Variants in TMEM233 observed in about 807,000 individuals in gnomAD.
The protein encoded by TMEM233 is dispanin subfamily B member 2.
A neutral mutation model predicts 11.2 loss-of-function variants in TMEM233; 6 were observed. The observed-to-expected ratio is 0.54, with a 90% CI of 0.29 to 1.06. The LOEUF is 1.06. Among genes scored for constraint, TMEM233 ranks in the 50% least tolerant of loss-of-function variants. The pLI, the probability that TMEM233 is intolerant of heterozygous loss-of-function variation, is 0.08. For synonymous variants in TMEM233, 59 were observed against 55.8 expected (o/e 1.06, Z -0.26); for missense variants, 127 against 144.7 (o/e 0.88, Z 0.63).
intron 1 of TMEM233, among the ~76,000 whole-genome samples, chr12:119,626,503 G>A (rs1954762181): frequency 9.8e-6 from 1 of 102,202 alleles, no homozygotes; most frequent in Non-Finnish European, 2.1e-5. Flanking sequence ...AAAGGAGGAG[G>A]AGGAGGAGGA....
intron 1 of TMEM233, among the ~76,000 whole-genome samples, chr12:119,625,360 A>ACTC (rs1954728729): frequency 3.2e-5 from 2 of 61,850 alleles, no homozygotes; most frequent in Non-Finnish European, 8.2e-5. Context: ...TCTGTACATA[A>ACTC]CTTCTTCTTT....
chr12:119,609,024 A>C (rs1473729686), intron 1 of TMEM233, among the ~76,000 whole-genome samples: 1 of 152,220 alleles, frequency 6.6e-6, no homozygotes, highest in Admixed American at 6.5e-5. Flanking sequence ...TAACAGGCAG[A>C]GGTTGGAACA....
At chr12:119,624,747 GAGAT>G (rs71072544) in intron 1 of TMEM233, among the ~76,000 whole-genome samples, 4,595 of 152,246 alleles carry the variant, frequency 0.03, 95 homozygotes, top group Non-Finnish European at 0.046. Context: ...GAAAATTCCA[GAGAT>G]AGATGGTGGG....
chr12:119,594,396 C>T lies in TMEM233; in HGVS notation c.186+362C>T. On this transcript the variant is annotated intron_variant, in intron 1 of 2. Transcript: ENST00000426426. The surrounding 1 kb of genome is among the most constrained non-coding windows in gnomAD (Gnocchi z 5.6). The stretch of plus-strand genomic sequence containing the variant: ...CACTTGCCCGGGGCTTCTCAACCCT[C>T]TTTTCTAGAGCCCCAGTGCGCGCCA... The T allele has an allele frequency of 4.5e-6, 1 of 219,960 alleles. No individual in the cohort carries two copies. The highest frequency in any genetic ancestry group is 2.3e-5 in the African/African-American group (1 of 43,638). The allele number at this position is 219,960 out of a possible 1,614,324, so 13.6% of individuals were successfully genotyped here.
At chr12:119,640,668 T>TTCTCTC (rs771463843) in intron 2 of TMEM233, 31 bp from the exon 3 acceptor site, 3 of 1,501,076 alleles carry the variant, frequency 2.0e-6, no homozygotes, top group Non-Finnish European at 2.7e-6. Flanking sequence ...CCCACGGTCT[T>TTCTCTC]TCTCTCTCTC....
the TMEM233 span, among the ~76,000 whole-genome samples, chr12:119,652,362 T>C: frequency 6.6e-6 from 1 of 152,240 alleles, no homozygotes. Context: ...TAACTTATAT[T>C]GGGCAAATTC....
At position 119,642,779 on chromosome 12, in the gene TMEM233, T is replaced by C. The variant is rs1955102991; in HGVS notation, c.*2074T>C. ...ATACCAATACAAATTTCAGCATTTT[T>C]TCATATACTGAACCCTAGCAAAAAA... On this transcript the variant is annotated 3_prime_UTR_variant, in exon 3 of 3. Transcript: ENST00000426426. 1 of 139,864 alleles carries C rather than the reference T, an allele frequency of 7.1e-6. No homozygotes were observed. The highest frequency in any genetic ancestry group is 2.4e-4 in the South Asian group (1 of 4,228). 8.7% of individuals were successfully genotyped at this position (139,864 alleles called of 1,614,324 possible).
chr12:119,626,585 A>C (rs1020731624), intron 1 of TMEM233, among the ~76,000 whole-genome samples: 1 of 149,270 alleles, frequency 6.7e-6, no homozygotes, highest in East Asian at 1.9e-4. Flanking sequence ...AGAAGAGAAG[A>C]GAAGAGAAGA....
intron 1 of TMEM233, among the ~76,000 whole-genome samples, chr12:119,598,826 G>A (rs1420742608): frequency 6.6e-6 from 1 of 152,180 alleles, no homozygotes; most frequent in Non-Finnish European, 1.5e-5. Flanking sequence ...GGTTGTGATA[G>A]TATTTACCCA....
chr12:119,629,697 G>C, intron 1 of TMEM233, 39 bp from the exon 2 acceptor site: 1 of 1,530,574 alleles, frequency 6.5e-7, no homozygotes, highest in Admixed American at 2.1e-5. Flanking sequence ...TTCCCTGTGG[G>C]TTATCTGTCA....
rs1166014373 is a variant in TMEM233, at chr12:119,594,041, G to T, written c.186+7G>T. ...TTTGGTCTTTTCCATCATGGTGAGT[G>T]AATCACGGCCAGAGGCAGCCTGGGA... On this transcript the variant is annotated splice_region_variant and intron_variant, in intron 1 of 2. Coordinates refer to ENST00000426426, the MANE Select transcript of TMEM233 (RefSeq NM_001136534.3). The surrounding 1 kb of genome is among the most constrained non-coding windows in gnomAD (Gnocchi z 5.6). 1.9e-6 allele frequency: 3 copies of T among 1,551,330 alleles called. No homozygotes were observed. The highest frequency in any genetic ancestry group is 2.6e-6 in the Non-Finnish European group (3 of 1,146,768).
chr12:119,653,418 C>T, the TMEM233 span, among the ~76,000 whole-genome samples: 6 of 123,996 alleles, frequency 4.8e-5, no homozygotes, highest in Non-Finnish European at 8.7e-5. Context: ...AAAAATTAAT[C>T]ACTAAACATG....
chr12:119,628,278 G>A (rs1193820648), intron 1 of TMEM233, among the ~76,000 whole-genome samples: 1 of 151,724 alleles, frequency 6.6e-6, no homozygotes, highest in Non-Finnish European at 1.5e-5. Flanking sequence ...TCCTGCCTCA[G>A]CTTCCCGAGT....
At position 119,611,462 on chromosome 12, in the gene TMEM233, A is replaced by G. The variant is rs535450392; in HGVS notation, c.186+17428A>G. Among the ~76,000 whole-genome samples, 5 of 152,208 alleles carry G rather than the reference A, an allele frequency of 3.3e-5. No homozygotes were observed. In the South Asian group the frequency reaches 6.2e-4, roughly 19 times the overall value. Reference sequence around the variant, plus strand: ...TTTCCTGTGCTTACTGGCAATTTGTATATTTTCTTCAAAGAAATGTCCATT... The same window carrying G: ...TTTCCTGTGCTTACTGGCAATTTGTGTATTTTCTTCAAAGAAATGTCCATT... On this transcript the variant is annotated intron_variant, in intron 1 of 2. Transcript: ENST00000426426.
At chr12:119,607,649 C>G (rs1954309255) in intron 1 of TMEM233, among the ~76,000 whole-genome samples, 4 of 150,202 alleles carry the variant, frequency 2.7e-5, no homozygotes, top group Admixed American at 2.0e-4. Context: ...CACCCTGGCT[C>G]CCAGGCTCAA....
At chr12:119,603,676 T>C (rs12306215) in intron 1 of TMEM233, among the ~76,000 whole-genome samples, 51,934 of 152,028 alleles carry the variant, frequency 0.34, 9,430 homozygotes, top group African/African-American at 0.41. Flanking sequence ...CTAAACAGAT[T>C]TCCTCTTGGA....
chr12:119,630,343 C>T (rs755112499), intron 2 of TMEM233, among the ~76,000 whole-genome samples: 1 of 152,210 alleles, frequency 6.6e-6, no homozygotes. Flanking sequence ...CACAGTCATG[C>T]AGGGTCCCAC....
the TMEM233 span, among the ~76,000 whole-genome samples, chr12:119,648,976 C>T: frequency 1.3e-5 from 2 of 152,080 alleles, no homozygotes; most frequent in African/African-American, 4.8e-5. Context: ...AAATGAAAAT[C>T]GACTTATACC....
downstream of TMEM233, among the ~76,000 whole-genome samples, chr12:119,646,655 C>T (rs532554890): frequency 6.6e-6 from 1 of 152,336 alleles, no homozygotes; most frequent in South Asian, 2.1e-4. Context: ...TCTTTATTAT[C>T]TACCTCCTCC....
Sources: allele counts gnomAD v4.1 joint callset (sites outside exome capture counted in the v4.1 genomes callset), GRCh38; gene constraint gnomAD v4.1.1; non-coding constraint Gnocchi (gnomAD v3.1); transcripts MANE v1.5; gene names NCBI Gene and HGNC (gene_info 2026-07-23, HGNC 2026-07-21).